SLC6A13: variants seen among roughly 807,000 people sequenced by gnomAD.
SLC6A13 encodes the protein sodium- and chloride-dependent GABA transporter 2.
SLC6A13 carries 69 observed loss-of-function variants against 72.9 expected under a neutral mutation model. That is an observed-to-expected ratio of 0.95 (90% CI 0.78 to 1.16). The LOEUF (loss-of-function observed/expected upper bound fraction) is 1.16, where lower values mean the gene tolerates loss of function less well. Ranked by LOEUF, SLC6A13 falls within the 50% of genes most tolerant of loss-of-function variation. The pLI is 0.00. For missense variants in SLC6A13, 735 were observed against 760.5 expected (o/e 0.97, Z 0.39); for synonymous variants, 303 against 303.0 (o/e 1.00, Z 0.00).
chr12:259,833 CA>C lies in SLC6A13; in HGVS notation c.202+17del, dbSNP rs564810144. 7,408 of 1,614,176 alleles carry C rather than the reference CA, an allele frequency of 4.6e-3. 31 individuals are homozygous for C. The highest frequency in any genetic ancestry group is 5.4e-3 in the Non-Finnish European group (6,355 of 1,180,024). The stretch of plus-strand genomic sequence containing the variant: ...CCTTCCAGGAGTGGGTGGGGTGGCA[CA>C]AGGGCTCTCATCTCACCTCCCCCAT... On this transcript the variant is annotated intron_variant, in intron 2 of 14. Transcript: ENST00000343164.
chr12:221,545 G>T lies in SLC6A13; in HGVS notation c.1517C>A (p.Ala506Asp). The T allele has an allele frequency of 6.3e-7, 1 of 1,577,778 alleles. No individual in the cohort carries two copies. The highest frequency in any genetic ancestry group is 8.6e-7 in the Non-Finnish European group (1 of 1,159,452). Reference sequence around the variant, plus strand: ...CTTTATCAGGGAGAAGAGAAAGGTGGCCTGAGGGGGAGAGCAGAAGAGAAA... The same window carrying T: ...CTTTATCAGGGAGAAGAGAAAGGTGTCCTGAGGGGGAGAGCAGAAGAGAAA... ...WLFLTPAVCTATFLFSLIKYT... is the reference protein window; with the variant it reads ...WLFLTPAVCTDTFLFSLIKYT... Residue 506 changes from alanine (A) to aspartate (D), a missense_variant and splice_region_variant, in exon 14 of 15, where the codon GCC (alanine) becomes GAC (aspartate). By Grantham distance (126) the Ala-to-Asp change is moderately radical. Transcript: ENST00000343164.
chr12:223,082 G>T, intron 12 of SLC6A13, 50 bp downstream of exon 12: 2 of 1,168,166 alleles, frequency 1.7e-6, no homozygotes, highest in Non-Finnish European at 2.6e-6. Flanking sequence ...AGGACCCCAA[G>T]ACCCTTAGAC....
At chr12:228,789 A>G (rs992459395) in intron 7 of SLC6A13, among the ~76,000 whole-genome samples, 1 of 152,188 alleles carries the variant, frequency 6.6e-6, no homozygotes. Context: ...TGACCACCTC[A>G]GAATCACGCT....
At chr12:250,014 T>C (rs2137308803) in intron 2 of SLC6A13, among the ~76,000 whole-genome samples, 1 of 152,284 alleles carries the variant, frequency 6.6e-6, no homozygotes, top group Admixed American at 6.5e-5. Context: ...ATAATGTGAC[T>C]CATCCTGTTA....
chr12:237,095 G>T, intron 6 of SLC6A13, 63 bp downstream of exon 6: 1 of 1,585,276 alleles, frequency 6.3e-7, no homozygotes, highest in Non-Finnish European at 8.6e-7. Context: ...GAACTCCTGG[G>T]TGACAGCCCC....
In SLC6A13 at chr12:227,666, C is replaced by T. The variant is rs765874656; in HGVS notation, c.834G>A (p.Val278=). The change falls in exon 8 of 15, where the codon GTG becomes GTA. Residue 278 remains valine, a splice_region_variant and synonymous_variant. Coordinates refer to ENST00000343164, the MANE Select transcript of SLC6A13 (RefSeq NM_016615.5). ...ATATCTGGGTGCCTGCATCCATCCA[C>T]ACCTACAAAGGGGAAGGGCAAGAAA... ...PNLTRLWDPQ[V]WMDAGTQIFF... The T allele has an allele frequency of 6.2e-7, 1 of 1,603,140 alleles. No homozygotes were observed. The highest frequency in any genetic ancestry group is 8.5e-7 in the Non-Finnish European group (1 of 1,173,686).
chr12:247,013 AAAAAAAAAAGAAAGAAAG>A, intron 2 of SLC6A13, among the ~76,000 whole-genome samples: 1 of 135,522 alleles, frequency 7.4e-6, no homozygotes. Context: ...ATCTCAAAAA[AAAAAAAAAAGAAAGAAAG>A]AAAAGAAAGA....
chr12:224,139 A>G lies in SLC6A13; in HGVS notation c.1174-10T>C. 13 of 1,614,084 alleles carry G rather than the reference A, an allele frequency of 8.1e-6. No individual in the cohort carries two copies. The highest frequency in any genetic ancestry group is 1.1e-5 in the South Asian group (1 of 91,076). On this transcript the variant is annotated splice_polypyrimidine_tract_variant and intron_variant, in intron 10 of 14. Coordinates refer to ENST00000343164, the MANE Select transcript of SLC6A13 (RefSeq NM_016615.5). ...TTTCTACACACACAAACTGGATGAC[A>G]GGGCAAAGGGATTGGAGGGAAGGAG...
chr12:250,628 G>A (rs1222873313), intron 2 of SLC6A13, among the ~76,000 whole-genome samples: 1 of 152,028 alleles, frequency 6.6e-6, no homozygotes, highest in Non-Finnish European at 1.5e-5. Context: ...ACATTGCTGA[G>A]AGAAATTAAT....
At position 223,157 on chromosome 12, in the gene SLC6A13, C is replaced by A; in HGVS notation, c.1389G>T (p.Glu463Asp). 1 of 1,613,426 alleles carries A rather than the reference C, an allele frequency of 6.2e-7. No homozygotes were observed. The highest frequency in any genetic ancestry group is 1.3e-5 in the African/African-American group (1 of 75,020). ...CGTAAACCCAAGCCACACAGAGGGA[C>A]TCGAAGATGGCCACGAACAGGAGGC... is the stretch of plus-strand genomic sequence containing the variant. ...GMCLLFVAIF[E>D]SLCVAWVYGA... is the part of the protein sequence containing the mutation. Residue 463 changes from glutamate (E) to aspartate (D), a missense_variant, in exon 12 of 15, where the codon GAG becomes GAT. Physicochemically the swap from Glu to Asp is conservative, Grantham distance 45 (BLOSUM62 2). Coordinates refer to ENST00000343164, the MANE Select transcript of SLC6A13 (RefSeq NM_016615.5).
chr12:246,243 G>A (rs576762399), intron 2 of SLC6A13, among the ~76,000 whole-genome samples: 71 of 152,070 alleles, frequency 4.7e-4, no homozygotes, highest in African/African-American at 1.4e-3. Context: ...GCTTGAACCC[G>A]GGAGATGGAG....
chr12:232,814 C>T (rs1941765676), intron 7 of SLC6A13, among the ~76,000 whole-genome samples: 1 of 152,208 alleles, frequency 6.6e-6, no homozygotes, highest in Admixed American at 6.5e-5. Context: ...GGTCTGTCTG[C>T]TTCTGGAAGC....
chr12:238,236 A>G (rs890515208), intron 4 of SLC6A13: 77 of 1,510,564 alleles, frequency 5.1e-5, no homozygotes, highest in Non-Finnish European at 6.6e-5. Flanking sequence ...GCTTGGGTAT[A>G]CATTCTCCTC....
chr12:245,062 C>T (rs1427418372), intron 2 of SLC6A13, among the ~76,000 whole-genome samples: 1 of 152,208 alleles, frequency 6.6e-6, no homozygotes, highest in East Asian at 1.9e-4. Context: ...GAAGACAGAA[C>T]TGCACAGACA....
At position 238,127 on chromosome 12, in the gene SLC6A13, A is replaced by T. The variant is rs961274707; in HGVS notation, c.479-117T>A. The T allele has an allele frequency of 6.4e-6, 10 of 1,555,834 alleles. No individual in the cohort carries two copies. The African/African-American group carries it at 1.3e-4, about 21-fold the overall frequency. On this transcript the variant is annotated intron_variant, in intron 4 of 14. Transcript: ENST00000343164. The stretch of plus-strand genomic sequence containing the variant: ...GGAAGGAAGGTATTTGGCAGGAGCC[A>T]GGCTAAGGTTATCTGTACAAAACAT...
intron 7 of SLC6A13, among the ~76,000 whole-genome samples, chr12:229,033 T>A (rs1225467647): frequency 6.6e-6 from 1 of 152,046 alleles, no homozygotes; most frequent in Non-Finnish European, 1.5e-5. Flanking sequence ...GGGGAAAATG[T>A]CTCCAGCCTC....
intron 12 of SLC6A13, 47 bp downstream of exon 12, chr12:223,085 C>T: frequency 8.2e-7 from 1 of 1,218,098 alleles, no homozygotes; most frequent in Non-Finnish European, 1.2e-6. Flanking sequence ...ACCCCAAGAC[C>T]CTTAGACAAG....
rs779762830 is a variant in SLC6A13, at chr12:237,998, T to G, written c.491A>C (p.Glu164Ala). ...CAGGGAGCCGTTGGTCTTCTGGAACTCCATACAGTGTTCTACCCATGGGTC... is the reference window on the plus strand; with the variant it reads ...CAGGGAGCCGTTGGTCTTCTGGAACGCCATACAGTGTTCTACCCATGGGTC... ...YHEWNTEHCM[E>A]FQKTNGSLNG... The change falls in exon 5 of 15, where the codon GAG becomes GCG. Residue 164 changes from glutamate (E) to alanine (A), a missense_variant. Glu to Ala is a moderately radical substitution (Grantham distance 107). Coordinates refer to ENST00000343164, the MANE Select transcript of SLC6A13 (RefSeq NM_016615.5). 1 of 1,613,700 alleles carries G rather than the reference T, an allele frequency of 6.2e-7. No individual in the cohort carries two copies. The highest frequency in any genetic ancestry group is 8.5e-7 in the Non-Finnish European group (1 of 1,179,680).
intron 7 of SLC6A13, among the ~76,000 whole-genome samples, chr12:234,256 C>G (rs571796855): frequency 3.3e-5 from 5 of 152,188 alleles, no homozygotes; most frequent in Non-Finnish European, 7.3e-5. Context: ...CCCACCAGCT[C>G]CATGACAGTT....
Sources: gnomAD v4.1 joint callset for allele counts (sites outside exome capture counted in the v4.1 genomes callset) on GRCh38, gnomAD v4.1.1 for gene constraint, MANE v1.5 for transcripts, NCBI Gene and HGNC (gene_info 2026-07-23, HGNC 2026-07-21) for gene names.